Variants in NEDD4 observed in about 807,000 individuals in gnomAD.
NEDD4 encodes E3 ubiquitin-protein ligase NEDD4.
In NEDD4, 99 loss-of-function variants were observed where a neutral mutation model predicts 144.9. The ratio of observed to expected loss-of-function variants is 0.68; its 90% CI spans 0.58 to 0.81. The LOEUF (loss-of-function observed/expected upper bound fraction) is 0.81, where lower values mean the gene tolerates loss of function less well. NEDD4 is among the 30% of genes least tolerant of loss of function. NEDD4 has a pLI of 0.00. For missense variants in NEDD4, 985 were observed against 1,065.9 expected (o/e 0.92, Z 1.06); for synonymous variants, 318 against 350.6 (o/e 0.91, Z 1.04).
chr15:55,834,791 C>G (rs182898604), intron 24 of NEDD4, among the ~76,000 whole-genome samples: 20 of 152,278 alleles, frequency 1.3e-4, no homozygotes, highest in African/African-American at 4.8e-4. Flanking sequence ...CTCCACATCA[C>G]CCCTTCTTTA....
At chr15:55,990,795 C>T (rs1016114809) in intron 1 of NEDD4, among the ~76,000 whole-genome samples, 9 of 152,184 alleles carry the variant, frequency 5.9e-5, no homozygotes, top group Non-Finnish European at 1.3e-4. Context: ...CCACACTGCT[C>T]TCCAATAAAG....
intron 1 of NEDD4, among the ~76,000 whole-genome samples, chr15:55,967,476 A>G (rs11071235): frequency 0.32 from 40,558 of 128,396 alleles, 5,636 homozygotes; most frequent in South Asian, 0.34. Context: ...GTGTGTGTGT[A>G]TGTGTGTGTA....
At chr15:55,924,258 A>C (rs1340428038) in intron 5 of NEDD4, 1 of 173,454 alleles carries the variant, frequency 5.8e-6, no homozygotes, top group African/African-American at 2.4e-5. Context: ...GGTAACCCTA[A>C]GAAAGGCCAC....
chr15:55,842,090 A>G lies in NEDD4; in HGVS notation c.1682T>C (p.Met561Thr), dbSNP rs756293781. 14 of 1,614,208 alleles carry G rather than the reference A, an allele frequency of 8.7e-6. No homozygotes were observed. The highest frequency in any genetic ancestry group is 1.2e-5 in the Non-Finnish European group (14 of 1,180,038). Reference protein sequence around the residue: ...TVLEDSYRRIMGVKRADFLKA... With the variant: ...TVLEDSYRRITGVKRADFLKA... ...CAGGAAGTCTGCTCTCTTGACACCC[A>G]TAATTCTCCGGTAAGAGTCTTCAAG... Residue 561 changes from methionine to threonine, a missense_variant, in exon 19 of 29, where the codon ATG becomes ACG. Met to Thr is a moderately conservative substitution (Grantham distance 81). Coordinates refer to ENST00000435532, the MANE Select transcript of NEDD4 (RefSeq NM_006154.4).
intron 4 of NEDD4, among the ~76,000 whole-genome samples, chr15:55,925,507 A>C (rs2142235943): frequency 6.6e-6 from 1 of 152,330 alleles, no homozygotes; most frequent in Non-Finnish European, 1.5e-5. Context: ...TTTTCACTTA[A>C]GGTTTAAGCT....
At chr15:55,863,881 A>C (rs2034495814) in intron 8 of NEDD4, among the ~76,000 whole-genome samples, 1 of 152,248 alleles carries the variant, frequency 6.6e-6, no homozygotes, top group African/African-American at 2.4e-5. Context: ...ATGATTTAGA[A>C]ATAACTGCTA....
At position 55,860,701 on chromosome 15, in the gene NEDD4, G is replaced by T. The variant is rs1296206141; in HGVS notation, c.752C>A (p.Ser251Tyr). ...QRAFTTRRQISEETESVDNRE... is the reference protein window; with the variant it reads ...QRAFTTRRQIYEETESVDNRE... ...GTTGTCAACACTTTCTGTTTCCTCGGATATCTGCCGCCTGGTGGTAAATGC... is the reference window on the plus strand; with the variant it reads ...GTTGTCAACACTTTCTGTTTCCTCGTATATCTGCCGCCTGGTGGTAAATGC... Residue 251 changes from serine to tyrosine, a missense_variant, in exon 10 of 29, where the codon TCC (serine) becomes TAC (tyrosine). Ser to Tyr is a moderately radical substitution (Grantham distance 144, BLOSUM62 -2). Transcript: ENST00000435532. 6.2e-6 allele frequency: 10 copies of T among 1,614,148 alleles called. No homozygotes were observed. Among genetic ancestry groups the T allele is most frequent in the African/African-American group, 1.3e-5 (1 of 75,038 alleles).
At chr15:55,925,977 T>C (rs1193785957) in intron 4 of NEDD4, among the ~76,000 whole-genome samples, 1 of 151,986 alleles carries the variant, frequency 6.6e-6, no homozygotes, top group African/African-American at 2.4e-5. Context: ...TATGTAAAAA[T>C]ACATATACAT....
At chr15:55,835,419 TG>T (rs2033146985) in intron 24 of NEDD4, among the ~76,000 whole-genome samples, 2 of 118,722 alleles carry the variant, frequency 1.7e-5, no homozygotes, top group Admixed American at 1.8e-4. Flanking sequence ...TCTCCTGTTC[TG>T]TTTTTTTTTT....
chr15:55,923,627 C>T (rs1445920001), intron 5 of NEDD4, among the ~76,000 whole-genome samples: 2 of 129,388 alleles, frequency 1.5e-5, no homozygotes, highest in East Asian at 4.8e-4. Flanking sequence ...CACCTGGCGA[C>T]AAAGCGAGAC....
intron 5 of NEDD4, among the ~76,000 whole-genome samples, chr15:55,883,672 C>T (rs945868883): frequency 1.4e-5 from 2 of 147,426 alleles, no homozygotes; most frequent in African/African-American, 5.1e-5. Flanking sequence ...TAGTTCCAGG[C>T]ATCTCAACAC....
chr15:55,980,500 T>G (rs2037780118), intron 1 of NEDD4, among the ~76,000 whole-genome samples: 1 of 152,176 alleles, frequency 6.6e-6, no homozygotes. Flanking sequence ...ATCATTCTAC[T>G]GTGAGAGGCT....
chr15:55,885,865 A>G (rs2035365896), intron 5 of NEDD4, among the ~76,000 whole-genome samples: 1 of 152,066 alleles, frequency 6.6e-6, no homozygotes, highest in Admixed American at 6.6e-5. Context: ...AACACTGAAT[A>G]TAAACAGACT....
intron 18 of NEDD4, among the ~76,000 whole-genome samples, chr15:55,846,218 G>A (rs8033577): frequency 0.71 from 108,733 of 152,098 alleles, 39,352 homozygotes; most frequent in Non-Finnish European, 0.79. Flanking sequence ...ACTCTGAGGT[G>A]GCCCACCCAC....
intron 8 of NEDD4, among the ~76,000 whole-genome samples, chr15:55,866,644 C>A (rs538409720): frequency 2.2e-4 from 34 of 152,126 alleles, no homozygotes; most frequent in African/African-American, 7.2e-4. Context: ...AAGAATATTT[C>A]TTTTAAAGCT....
chr15:55,919,721 C>T (rs1046602287), intron 5 of NEDD4, among the ~76,000 whole-genome samples: 1 of 152,152 alleles, frequency 6.6e-6, no homozygotes, highest in African/African-American at 2.4e-5. Context: ...AAACAGATAA[C>T]GTCTTAGGAT....
rs189583808 is a variant in NEDD4 at position 55,865,106 on chromosome 15, G to A, written c.508-2027C>T. The stretch of plus-strand genomic sequence containing the variant: ...CCAGCTACTCGAGAGGCTGGGGCAG[G>A]AGAATTGCTTGAGCCCAGGAGGCAG... On this transcript the variant is annotated intron_variant, in intron 8 of 28. Coordinates refer to ENST00000435532, the MANE Select transcript of NEDD4 (RefSeq NM_006154.4). Among the ~76,000 whole-genome samples the A allele has an allele frequency of 3.0e-3, 444 of 148,962 alleles. 4 individuals carry two copies. The highest frequency in any genetic ancestry group is 0.011 in the African/African-American group (429 of 40,584).
chr15:55,973,672 A>G (rs2037652197), intron 1 of NEDD4, among the ~76,000 whole-genome samples: 1 of 152,200 alleles, frequency 6.6e-6, no homozygotes, highest in South Asian at 2.1e-4. Flanking sequence ...TATGCTCCTG[A>G]ATGATTGGCA....
At chr15:55,839,969 G>C (rs2033391207) in intron 21 of NEDD4, among the ~76,000 whole-genome samples, 1 of 27,454 alleles carries the variant, frequency 3.6e-5, no homozygotes, top group Non-Finnish European at 5.8e-5. Flanking sequence ...GTGACACTCT[G>C]TCTCAAAAAA....
Sources: allele counts gnomAD v4.1 joint callset (sites outside exome capture counted in the v4.1 genomes callset), GRCh38; gene constraint gnomAD v4.1.1; transcripts MANE v1.5; gene names NCBI Gene and HGNC (gene_info 2026-07-23, HGNC 2026-07-21).